Variants in FMN1 observed in about 807,000 individuals in gnomAD.
FMN1 encodes the protein formin-1.
Under a neutral mutation model 132.4 loss-of-function variants are expected in FMN1, and 110 were observed. The ratio of observed to expected loss-of-function variants is 0.83; its 90% CI spans 0.71 to 0.97. FMN1 has a LOEUF of 0.97. FMN1 is among the 50% of genes least tolerant of loss of function. FMN1 has a pLI of 0.00. For missense variants in FMN1, 1,792 were observed against 1,705.3 expected, an observed-to-expected ratio of 1.05 and a Z score of -0.90; for synonymous variants, 722 against 651.7, an observed-to-expected ratio of 1.11 and a Z score of -1.64.
At chr15:33,080,703 A>C (rs1254861218) in intron 5 of FMN1, among the ~76,000 whole-genome samples, 1 of 152,058 alleles carries the variant, frequency 6.6e-6, no homozygotes, top group African/African-American at 2.4e-5. Flanking sequence ...CCTGACCAAC[A>C]TGGTGAAACC....
At chr15:33,039,226 G>A (rs1008992705) in intron 6 of FMN1, among the ~76,000 whole-genome samples, 1 of 152,162 alleles carries the variant, frequency 6.6e-6, no homozygotes, top group Admixed American at 6.5e-5. Flanking sequence ...AGCAAAACTG[G>A]AACTGAGGGA....
chr15:33,021,631 T>A (rs1231919265), intron 6 of FMN1, among the ~76,000 whole-genome samples: 1 of 152,206 alleles, frequency 6.6e-6, no homozygotes, highest in Non-Finnish European at 1.5e-5. Flanking sequence ...CTCTGACTTT[T>A]ACCTGTATTG....
At chr15:32,992,425 G>GA (rs2033491450) in intron 7 of FMN1, among the ~76,000 whole-genome samples, 1 of 152,142 alleles carries the variant, frequency 6.6e-6, no homozygotes, top group Admixed American at 6.5e-5. Flanking sequence ...GTATGAAGTA[G>GA]AAAAACTGGT....
intron 6 of FMN1, among the ~76,000 whole-genome samples, chr15:33,051,189 G>A (rs996686914): frequency 1.3e-5 from 2 of 152,102 alleles, no homozygotes; most frequent in African/African-American, 4.8e-5. Flanking sequence ...TCATTCCAGG[G>A]TATGTTCCTT....
intron 10 of FMN1, among the ~76,000 whole-genome samples, chr15:32,913,373 C>T (rs1002571571): frequency 6.6e-6 from 1 of 152,092 alleles, no homozygotes; most frequent in Non-Finnish European, 1.5e-5. Flanking sequence ...GCTTAACATA[C>T]CTCCAATATC....
rs562636263 is a variant in FMN1 at position 33,167,392 on chromosome 15, T to C, written c.-131-12347A>G. ...AAGCCTCCCCAGCCGTGTGGAACTG[T>C]GAGTCCATTAAACTTTTTTCCCTTA... On this transcript the variant is annotated intron_variant, in intron 3 of 20. Transcript: ENST00000616417. Among the ~76,000 whole-genome samples, 4 of 152,316 alleles carry C rather than the reference T, an allele frequency of 2.6e-5. No individual in the cohort carries two copies. The South Asian group carries it at 6.2e-4, about 24-fold the overall frequency.
At chr15:33,094,170 CTAAT>C (rs995316131) in intron 4 of FMN1, among the ~76,000 whole-genome samples, 1 of 152,184 alleles carries the variant, frequency 6.6e-6, no homozygotes, top group African/African-American at 2.4e-5. Context: ...GTGACCTTTA[CTAAT>C]TATTTGACCT....
At chr15:33,138,215 T>C (rs1595554301) in intron 4 of FMN1, among the ~76,000 whole-genome samples, 2 of 152,152 alleles carry the variant, frequency 1.3e-5, no homozygotes, top group African/African-American at 4.8e-5. Context: ...CAGGAAATGC[T>C]CTGTCAGCAG....
intron 3 of FMN1, among the ~76,000 whole-genome samples, chr15:33,162,770 G>A (rs1242453474): frequency 2.0e-5 from 3 of 152,186 alleles, no homozygotes; most frequent in Non-Finnish European, 2.9e-5. Context: ...AGTCAAGAAT[G>A]AGGAGCTGGG....
intron 4 of FMN1, among the ~76,000 whole-genome samples, chr15:33,136,610 G>A (rs1963778149): frequency 6.6e-6 from 1 of 152,098 alleles, no homozygotes; most frequent in Non-Finnish European, 1.5e-5. Flanking sequence ...TACAGGGTTT[G>A]GCTCTGAAAT....
At chr15:32,964,014 G>GACACACACACACAC (rs1555505885) in intron 9 of FMN1, 93 bp downstream of exon 9, 2 of 342,572 alleles carry the variant, frequency 5.8e-6, no homozygotes, top group Admixed American at 6.5e-5. Context: ...GTGTATATAC[G>GACACACACACACAC]ATACACACAC....
chr15:32,921,824 C>T (rs1202927281), intron 10 of FMN1, among the ~76,000 whole-genome samples: 2 of 152,078 alleles, frequency 1.3e-5, no homozygotes, highest in African/African-American at 4.8e-5. Flanking sequence ...TTTGTGCCAC[C>T]ACCATGCCTG....
chr15:33,113,009 A>G (rs1045467252), intron 4 of FMN1, among the ~76,000 whole-genome samples: 2 of 152,188 alleles, frequency 1.3e-5, no homozygotes, highest in Admixed American at 6.5e-5. Flanking sequence ...TGTCTTCTCT[A>G]TTTTCTTCAC....
intron 4 of FMN1, among the ~76,000 whole-genome samples, chr15:33,128,789 A>T (rs1963386206): frequency 6.6e-6 from 1 of 152,274 alleles, no homozygotes; most frequent in African/African-American, 2.4e-5. Context: ...AACGGTGAGC[A>T]GCAGCAAGAT....
At chr15:32,909,739 C>G (rs1489244030) in intron 11 of FMN1, among the ~76,000 whole-genome samples, 1 of 152,150 alleles carries the variant, frequency 6.6e-6, no homozygotes, top group Non-Finnish European at 1.5e-5. Context: ...TTCTGACTCT[C>G]CTGTGTTGTC....
chr15:33,182,031 TC>T (rs1965722538), intron 2 of FMN1, among the ~76,000 whole-genome samples: 1 of 152,086 alleles, frequency 6.6e-6, no homozygotes, highest in Non-Finnish European at 1.5e-5. Context: ...TCTTAAAAGG[TC>T]ACTCAGACTG....
At chr15:32,825,122 T>C (rs1206994573) in intron 17 of FMN1, among the ~76,000 whole-genome samples, 1 of 152,228 alleles carries the variant, frequency 6.6e-6, no homozygotes, top group African/African-American at 2.4e-5. Context: ...CATCTCAATT[T>C]CCACCAGCCT....
In FMN1 at chr15:32,968,982, G is replaced by A; in HGVS notation, c.2719C>T (p.Pro907Ser). 9.7e-7 allele frequency: 1 copy of A among 1,026,034 alleles called. No homozygotes were observed. 63.6% of individuals were successfully genotyped at this position (1,026,034 alleles called of 1,614,324 possible). The change falls in exon 8 of 21, where the codon CCT becomes TCT. Residue 907 changes from proline (P) to serine (S), a missense_variant. Pro to Ser is a moderately conservative substitution (Grantham distance 74). Transcript: ENST00000616417. The part of the protein sequence containing the change: ...VSAGPPLPPP[P>S]PPPPPLPPPS... Reference sequence around the variant, plus strand: ...GGAGGTAGAGGTGGCGGTGGAGGAGGCGGAGGTGGTAGCGGTGGCCCAGCA... The same window carrying A: ...GGAGGTAGAGGTGGCGGTGGAGGAGACGGAGGTGGTAGCGGTGGCCCAGCA...
chr15:33,021,582 T>C (rs1463373694), intron 6 of FMN1, among the ~76,000 whole-genome samples: 1 of 152,132 alleles, frequency 6.6e-6, no homozygotes, highest in Non-Finnish European at 1.5e-5. Context: ...GATGATGATA[T>C]AAAAGAGGTA....
Sources: allele counts gnomAD v4.1 joint callset (sites outside exome capture counted in the v4.1 genomes callset), GRCh38; gene constraint gnomAD v4.1.1; transcripts MANE v1.5; gene names NCBI Gene and HGNC (gene_info 2026-07-23, HGNC 2026-07-21).